The following GPHN variants were observed in gnomAD, a reference collection of about 807,000 sequenced individuals.
The protein encoded by GPHN is gephyrin.
GPHN carries 17 observed loss-of-function variants against 95.5 expected under a neutral mutation model. The observed-to-expected ratio is 0.18, with a 90% CI of 0.12 to 0.27. GPHN has a LOEUF of 0.27. GPHN is among the 10% of genes least tolerant of loss of function. GPHN has a pLI of 1.00. For missense variants in GPHN, 660 were observed against 978.1 expected, an observed-to-expected ratio of 0.67 and a Z score of 4.34; for synonymous variants, 320 against 322.5, an observed-to-expected ratio of 0.99 and a Z score of 0.08.
the GPHN span, among the ~76,000 whole-genome samples, chr14:67,578,358 C>T: frequency 6.6e-6 from 1 of 152,198 alleles, no homozygotes; most frequent in Non-Finnish European, 1.5e-5. This position sits in a 1 kb window ranked among gnomAD's most constrained non-coding sequence, Gnocchi z 5.0. Context: ...TGTCTATGCA[C>T]AGATGGGTGA....
At chr14:67,462,061 G>A in the GPHN span, among the ~76,000 whole-genome samples, 5 of 152,328 alleles carry the variant, frequency 3.3e-5, no homozygotes, top group South Asian at 1.0e-3. Context: ...GGACTCTACT[G>A]CAGAAAAGGA....
chr14:66,585,695 A>G (rs535270783), intron 1 of GPHN, among the ~76,000 whole-genome samples: 110 of 152,104 alleles, frequency 7.2e-4, no homozygotes, highest in Admixed American at 9.2e-4. Context: ...GTAGTTGAGC[A>G]GTTTTGAGTG....
At chr14:66,675,787 G>A (rs528103174) in intron 1 of GPHN, among the ~76,000 whole-genome samples, 7 of 152,082 alleles carry the variant, frequency 4.6e-5, no homozygotes, top group Admixed American at 2.0e-4. Flanking sequence ...GATTTTTGTG[G>A]TGAGAAGGAT....
At chr14:67,661,680 C>T in the GPHN span, among the ~76,000 whole-genome samples, 48 of 151,974 alleles carry the variant, frequency 3.2e-4, no homozygotes, top group East Asian at 8.7e-3. Context: ...CAGAGGCATG[C>T]ACCACCAAAC....
intron 2 of GPHN, among the ~76,000 whole-genome samples, chr14:66,714,160 A>G (rs185454583): frequency 8.5e-4 from 129 of 152,206 alleles, no homozygotes; most frequent in Non-Finnish European, 1.4e-3. Flanking sequence ...GTCATCTGTG[A>G]TTTTGTTCAG....
the GPHN span, among the ~76,000 whole-genome samples, chr14:67,286,793 G>A: frequency 6.8e-6 from 1 of 147,916 alleles, no homozygotes; most frequent in Non-Finnish European, 1.5e-5. Flanking sequence ...AGAAGTTGAG[G>A]CTGCAGTGAG....
chr14:67,175,763 G>T (rs1356295362), intron 21 of GPHN, among the ~76,000 whole-genome samples: 1 of 152,154 alleles, frequency 6.6e-6, no homozygotes. Context: ...TTGAGCAGTG[G>T]TTTATAGTTC....
At chr14:66,582,017 T>C (rs2061199917) in intron 1 of GPHN, among the ~76,000 whole-genome samples, 1 of 152,032 alleles carries the variant, frequency 6.6e-6, no homozygotes, top group Non-Finnish European at 1.5e-5. Flanking sequence ...GAACTACATC[T>C]TAGACCAAAT....
At chr14:66,918,239 G>A (rs1359111593) in intron 6 of GPHN, among the ~76,000 whole-genome samples, 1 of 152,196 alleles carries the variant, frequency 6.6e-6, no homozygotes, top group Admixed American at 6.5e-5. Flanking sequence ...ACATGGACAT[G>A]TCACCCTTCT....
At chr14:66,764,444 T>G (rs2058883928) in intron 2 of GPHN, among the ~76,000 whole-genome samples, 1 of 152,136 alleles carries the variant, frequency 6.6e-6, no homozygotes, top group South Asian at 2.1e-4. Context: ...TGGTAGGTTT[T>G]TTTTTTTAAT....
At chr14:67,308,314 C>CTT in the GPHN span, among the ~76,000 whole-genome samples, 4 of 139,486 alleles carry the variant, frequency 2.9e-5, 1 homozygote, top group South Asian at 4.5e-4. Context: ...ACCAAACTTC[C>CTT]TTTTTTTTTT....
At chr14:67,384,133 G>T in the GPHN span, 1 of 152,354 alleles carries the variant, frequency 6.6e-6, no homozygotes, top group East Asian at 1.9e-4. Flanking sequence ...ATGACAACCT[G>T]TGTGAGAGAA....
chr14:66,517,235 C>G (rs992340911), intron 1 of GPHN, among the ~76,000 whole-genome samples: 1 of 150,878 alleles, frequency 6.6e-6, no homozygotes, highest in Non-Finnish European at 1.5e-5. Flanking sequence ...CCCCTCTTCA[C>G]TTTCACCTAA....
the GPHN span, chr14:67,662,902 CAAAAAAAA>C: frequency 1.2e-5 from 11 of 898,454 alleles, no homozygotes; most frequent in South Asian, 4.3e-5. Flanking sequence ...GACTCTGTCT[CAAAAAAAA>C]AAAAAAAAAA....
At chr14:67,247,451 G>A in the GPHN span, among the ~76,000 whole-genome samples, 10 of 151,998 alleles carry the variant, frequency 6.6e-5, no homozygotes, top group Admixed American at 2.0e-4. Flanking sequence ...GTAGACAGTC[G>A]TGCTCAAAAC....
At chr14:67,014,440 C>G (rs2073189289) in intron 9 of GPHN, among the ~76,000 whole-genome samples, 1 of 152,058 alleles carries the variant, frequency 6.6e-6, no homozygotes, top group Non-Finnish European at 1.5e-5. Context: ...TTATACCATT[C>G]TCCGTCACCC....
chr14:66,635,268 G>T (rs780832473), intron 1 of GPHN, among the ~76,000 whole-genome samples: 1 of 152,140 alleles, frequency 6.6e-6, no homozygotes, highest in East Asian at 1.9e-4. Context: ...GTCAAAAGAG[G>T]TCATAGAGCC....
intron 18 of GPHN, among the ~76,000 whole-genome samples, chr14:67,146,619 C>T (rs1271164412): frequency 6.6e-6 from 1 of 152,210 alleles, no homozygotes; most frequent in Admixed American, 6.5e-5. Context: ...AGATGATAAC[C>T]GATCACAAAA....
chr14:66,640,555 C>T (rs12589859), intron 1 of GPHN, among the ~76,000 whole-genome samples: 111 of 151,856 alleles, frequency 7.3e-4, no homozygotes, highest in African/African-American at 2.6e-3. Context: ...GGTTTTTTAA[C>T]TATACCACTC....
Sources: gnomAD v4.1 joint callset for allele counts (sites outside exome capture counted in the v4.1 genomes callset) on GRCh38, gnomAD v4.1.1 for gene constraint, Gnocchi (gnomAD v3.1) non-coding constraint, MANE v1.5 for transcripts, NCBI Gene and HGNC (gene_info 2026-07-23, HGNC 2026-07-21) for gene names.